Variants in CNTN4 observed in about 807,000 individuals in gnomAD.
CNTN4 encodes contactin-4.
In CNTN4, 77 loss-of-function variants were observed where a neutral mutation model predicts 122.5. The observed-to-expected ratio is 0.63, with a 90% confidence interval of 0.52 to 0.76. CNTN4 has a LOEUF of 0.76. Among genes scored for constraint, CNTN4 ranks in the 30% least tolerant of loss-of-function variants. The pLI, the probability that CNTN4 is intolerant of heterozygous loss-of-function variation, is 0.00. For synonymous variants in CNTN4, 512 were observed against 447.0 expected, an observed-to-expected ratio of 1.15 and a Z score of -1.83; for missense variants, 1,256 against 1,259.1, an observed-to-expected ratio of 1.00 and a Z score of 0.04.
At chr3:2,761,571 T>C (rs2090594282) in intron 6 of CNTN4, among the ~76,000 whole-genome samples, 1 of 152,120 alleles carries the variant, frequency 6.6e-6, no homozygotes, top group South Asian at 2.1e-4. Context: ...CTAGTATTTA[T>C]TATGCTATAT....
chr3:2,819,383 C>A, intron 6 of CNTN4, 103 bp from the exon 7 acceptor site: 1 of 864,156 alleles, frequency 1.2e-6, no homozygotes, highest in Non-Finnish European at 1.9e-6. Context: ...GTGCTACCAA[C>A]GCAGTTTTGA....
intron 7 of CNTN4, among the ~76,000 whole-genome samples, chr3:2,834,790 G>T (rs531933141): frequency 1.3e-5 from 2 of 148,600 alleles, no homozygotes; most frequent in South Asian, 4.4e-4. Context: ...AAAATACCTA[G>T]ACTACCAACA....
intron 8 of CNTN4, among the ~76,000 whole-genome samples, chr3:2,871,202 A>C (rs1375200611): frequency 1.3e-5 from 2 of 152,220 alleles, no homozygotes; most frequent in Non-Finnish European, 2.9e-5. Flanking sequence ...TTTTCTCATC[A>C]GTAAGATAAG....
At chr3:2,649,739 A>G (rs2083280698) in intron 4 of CNTN4, among the ~76,000 whole-genome samples, 1 of 152,156 alleles carries the variant, frequency 6.6e-6, no homozygotes. Context: ...TGCATTTTAT[A>G]AGGTTATAGC....
At chr3:2,177,505 C>G (rs562871675) in intron 2 of CNTN4, among the ~76,000 whole-genome samples, 1 of 152,188 alleles carries the variant, frequency 6.6e-6, no homozygotes, top group East Asian at 1.9e-4. Flanking sequence ...AATTCTTTAG[C>G]AGGCTATTCA....
At chr3:2,138,506 G>A (rs906814392) in intron 2 of CNTN4, among the ~76,000 whole-genome samples, 2 of 152,192 alleles carry the variant, frequency 1.3e-5, no homozygotes, top group African/African-American at 2.4e-5. Flanking sequence ...GGGTGTTTCT[G>A]TGAAGGTGTG....
chr3:2,880,670 T>G (rs559180015), intron 8 of CNTN4, among the ~76,000 whole-genome samples: 1 of 152,304 alleles, frequency 6.6e-6, no homozygotes, highest in East Asian at 1.9e-4. Context: ...ACCGAACATG[T>G]CAAGCATGAG....
chr3:2,369,970 T>C (rs2045572362), intron 3 of CNTN4, among the ~76,000 whole-genome samples: 2 of 152,068 alleles, frequency 1.3e-5, no homozygotes, highest in South Asian at 2.1e-4. Flanking sequence ...GATACTCTGT[T>C]TTTACCATTA....
At chr3:2,630,309 C>T (rs9829211) in intron 4 of CNTN4, among the ~76,000 whole-genome samples, 5,888 of 152,136 alleles carry the variant, frequency 0.039, 364 homozygotes, top group African/African-American at 0.13. Flanking sequence ...CATGGGGGTA[C>T]ACAACTGTAG....
intron 10 of CNTN4, among the ~76,000 whole-genome samples, chr3:2,896,216 A>T (rs2094113522): frequency 6.6e-6 from 1 of 152,084 alleles, no homozygotes; most frequent in African/African-American, 2.4e-5. Flanking sequence ...ATGTTTCTCA[A>T]GGTACTTTTT....
intron 2 of CNTN4, among the ~76,000 whole-genome samples, chr3:2,319,251 T>G (rs2043204692): frequency 6.6e-6 from 1 of 152,160 alleles, no homozygotes; most frequent in Non-Finnish European, 1.5e-5. Context: ...AGATAAATAT[T>G]ACAGTTATGA....
intron 6 of CNTN4, among the ~76,000 whole-genome samples, chr3:2,769,526 T>G (rs1487680735): frequency 6.6e-6 from 1 of 152,110 alleles, no homozygotes; most frequent in Non-Finnish European, 1.5e-5. Flanking sequence ...GGACAGTTTT[T>G]CTGTTGATAC....
intron 2 of CNTN4, among the ~76,000 whole-genome samples, chr3:2,204,810 C>T (rs1046868344): frequency 2.0e-4 from 31 of 152,108 alleles, no homozygotes; most frequent in Non-Finnish European, 4.4e-5. Context: ...TGAAGAACCA[C>T]TTGGAGTTTG....
At chr3:2,397,559 T>C (rs2046685681) in intron 3 of CNTN4, among the ~76,000 whole-genome samples, 1 of 152,120 alleles carries the variant, frequency 6.6e-6, no homozygotes, top group South Asian at 2.1e-4. Flanking sequence ...CATCTGATTG[T>C]ATCAAATACA....
chr3:3,040,335 T>C lies in CNTN4; in HGVS notation c.2398+64T>C, dbSNP rs4260422. 4.8e-6 allele frequency: 6 copies of C among 1,250,304 alleles called. No individual in the cohort carries two copies. The South Asian group carries it at 6.0e-5, about 13-fold the overall frequency. The allele number at this position is 1,250,304 out of a possible 1,614,324, so 77.5% of individuals were successfully genotyped here. On this transcript the variant is annotated intron_variant, in intron 20 of 24. Coordinates refer to ENST00000418658, the MANE Select transcript of CNTN4 (RefSeq NM_175607.3). Reference sequence around the variant, plus strand: ...TTCTTCAATTCTAAAATGTGGATTGTAGCACGTACAATCAATTTCGCATGG... The same window carrying C: ...TTCTTCAATTCTAAAATGTGGATTGCAGCACGTACAATCAATTTCGCATGG...
chr3:2,566,604 G>A (rs970256342), intron 3 of CNTN4, among the ~76,000 whole-genome samples: 3 of 152,008 alleles, frequency 2.0e-5, no homozygotes, highest in African/African-American at 2.4e-5. Context: ...CTATTTGGTG[G>A]GGGCCAGGAG....
In CNTN4 at chr3:2,902,999, G is replaced by A; in HGVS notation, c.1201G>A (p.Val401Ile). Residue 401 changes from valine to isoleucine, a missense_variant, in exon 12 of 25, where the codon GTT becomes ATT. By Grantham distance (29) the Val-to-Ile change is conservative. Coordinates refer to ENST00000418658, the MANE Select transcript of CNTN4 (RefSeq NM_175607.3). ...GVIFSNAELS[V>I]IAVGPDFSRT... Reference sequence around the variant, plus strand: ...TATCTTTTCCAACGCAGAGCTTAGTGTTATAGGTGAGTCTTTATACTGGCA... The same window carrying A: ...TATCTTTTCCAACGCAGAGCTTAGTATTATAGGTGAGTCTTTATACTGGCA... The A allele has an allele frequency of 1.9e-6, 3 of 1,613,618 alleles. No individual in the cohort carries two copies. Among genetic ancestry groups the A allele is most frequent in the Non-Finnish European group, 2.5e-6 (3 of 1,179,776 alleles).
intron 13 of CNTN4, among the ~76,000 whole-genome samples, chr3:2,958,897 G>C (rs2094826473): frequency 1.3e-5 from 2 of 152,278 alleles, no homozygotes; most frequent in South Asian, 4.1e-4. Context: ...CAGAGCAACT[G>C]ACAGAAAGAT....
chr3:3,009,672 ATC>A, intron 14 of CNTN4, among the ~76,000 whole-genome samples: 1 of 152,054 alleles, frequency 6.6e-6, no homozygotes. Flanking sequence ...TGACCTCGTG[ATC>A]TGCCCTCCTC....
Sources: gnomAD v4.1 joint callset for allele counts (sites outside exome capture counted in the v4.1 genomes callset) on GRCh38, gnomAD v4.1.1 for gene constraint, MANE v1.5 for transcripts, NCBI Gene and HGNC (gene_info 2026-07-23, HGNC 2026-07-21) for gene names.